Variants in CNTN5 observed in about 807,000 individuals in gnomAD.
The protein encoded by CNTN5 is contactin 5.
CNTN5 carries 77 observed loss-of-function variants against 129.1 expected under a neutral mutation model. The observed-to-expected ratio is 0.60, with a 90% CI of 0.50 to 0.72. The LOEUF is 0.72. Among genes scored for constraint, CNTN5 ranks in the 30% least tolerant of loss-of-function variants. CNTN5 has a pLI of 0.00. For synonymous variants in CNTN5, 509 were observed against 465.6 expected, an observed-to-expected ratio of 1.09 and a Z score of -1.20; for missense variants, 1,478 against 1,328.8, an observed-to-expected ratio of 1.11 and a Z score of -1.75.
At chr11:99,264,135 T>G (rs1046589431) in intron 1 of CNTN5, among the ~76,000 whole-genome samples, 1 of 151,890 alleles carries the variant, frequency 6.6e-6, no homozygotes, top group South Asian at 2.1e-4. Context: ...GCATAACTCA[T>G]GCTCACAGGA....
At chr11:99,138,708 C>T (rs1474921886) in intron 1 of CNTN5, among the ~76,000 whole-genome samples, 1 of 152,030 alleles carries the variant, frequency 6.6e-6, no homozygotes, top group Non-Finnish European at 1.5e-5. Flanking sequence ...ATAACGAATT[C>T]CCAAAACCCA....
intron 1 of CNTN5, among the ~76,000 whole-genome samples, chr11:99,096,588 G>A (rs1866476390): frequency 6.6e-6 from 1 of 151,786 alleles, no homozygotes; most frequent in Non-Finnish European, 1.5e-5. Flanking sequence ...AAAACAAGTG[G>A]TAAAATATGT....
At chr11:100,049,072 TTATTTAGATTGCAGGA>T (rs1261352844) in intron 9 of CNTN5, among the ~76,000 whole-genome samples, 1 of 152,050 alleles carries the variant, frequency 6.6e-6, no homozygotes, top group Non-Finnish European at 1.5e-5. Flanking sequence ...TTAAGGAAAA[TTATTTAGATTGCAGGA>T]AATGTAATAC....
chr11:99,327,025 A>T (rs562976015), intron 2 of CNTN5, among the ~76,000 whole-genome samples: 17 of 152,310 alleles, frequency 1.1e-4, no homozygotes, highest in African/African-American at 4.1e-4. Context: ...TTCTTAACTC[A>T]TAATCATGGA....
At chr11:100,272,486 C>A (rs747004819) in intron 18 of CNTN5, among the ~76,000 whole-genome samples, 5 of 151,114 alleles carry the variant, frequency 3.3e-5, no homozygotes, top group Non-Finnish European at 7.4e-5. Flanking sequence ...ATGGCCCTCT[C>A]AGAAGGAAGG....
intron 3 of CNTN5, among the ~76,000 whole-genome samples, chr11:99,771,880 A>G (rs938584846): frequency 5.9e-5 from 9 of 152,014 alleles, no homozygotes; most frequent in African/African-American, 2.2e-4. Context: ...ATTCCTAAAG[A>G]AAGGGAAATG....
intron 7 of CNTN5, among the ~76,000 whole-genome samples, chr11:99,927,825 C>T (rs910131836): frequency 2.0e-5 from 3 of 152,266 alleles, no homozygotes; most frequent in Admixed American, 1.3e-4. Flanking sequence ...TTTCAAAACA[C>T]AGTCATGCCC....
chr11:100,138,148 T>G (rs866330280), intron 13 of CNTN5, among the ~76,000 whole-genome samples: 1 of 151,158 alleles, frequency 6.6e-6, no homozygotes, highest in African/African-American at 2.4e-5. Context: ...ATAAGGGAGA[T>G]GAGAAAATGA....
intron 4 of CNTN5, among the ~76,000 whole-genome samples, chr11:99,826,001 CT>C (rs1238336925): frequency 6.6e-6 from 1 of 152,034 alleles, no homozygotes; most frequent in African/African-American, 2.4e-5. Context: ...CATTTCTACA[CT>C]TTTTTGTGTT....
intron 16 of CNTN5, 72 bp downstream of exon 16, chr11:100,224,884 G>C: frequency 6.7e-7 from 1 of 1,501,174 alleles, no homozygotes; most frequent in Non-Finnish European, 9.2e-7. Flanking sequence ...TTAAATGCAT[G>C]GACTTTGAGC....
At chr11:99,022,149 G>C (rs1259005188) in intron 1 of CNTN5, among the ~76,000 whole-genome samples, 1 of 151,964 alleles carries the variant, frequency 6.6e-6, no homozygotes, top group Non-Finnish European at 1.5e-5. Context: ...TCATTCATTT[G>C]TTTCTTAATT....
intron 3 of CNTN5, among the ~76,000 whole-genome samples, chr11:99,761,103 A>T (rs1454244315): frequency 6.6e-6 from 1 of 152,108 alleles, no homozygotes; most frequent in African/African-American, 2.4e-5. Flanking sequence ...TATGACAAGG[A>T]TGATATATGT....
chr11:99,494,175 T>G (rs1467758671), intron 2 of CNTN5, among the ~76,000 whole-genome samples: 1 of 152,186 alleles, frequency 6.6e-6, no homozygotes, highest in Non-Finnish European at 1.5e-5. Context: ...CACTCCGTAG[T>G]AATCGACCAA....
intron 13 of CNTN5, among the ~76,000 whole-genome samples, chr11:100,172,687 C>T (rs12802379): frequency 0.13 from 19,380 of 151,842 alleles, 1,206 homozygotes; most frequent in African/African-American, 0.14. Flanking sequence ...AAGATCATGA[C>T]AAAACAGACT....
intron 3 of CNTN5, among the ~76,000 whole-genome samples, chr11:99,786,354 G>T (rs937752820): frequency 6.6e-6 from 1 of 151,696 alleles, no homozygotes; most frequent in African/African-American, 2.4e-5. Context: ...GGAAATTGGA[G>T]GACACAAACA....
intron 2 of CNTN5, among the ~76,000 whole-genome samples, chr11:99,452,455 C>T (rs577588257): frequency 7.2e-6 from 1 of 138,928 alleles, no homozygotes; most frequent in South Asian, 2.5e-4. Flanking sequence ...TCATAGCAAA[C>T]TCTGCCTCCC....
At chr11:99,282,649 C>G (rs1211618552) in intron 1 of CNTN5, among the ~76,000 whole-genome samples, 1 of 152,016 alleles carries the variant, frequency 6.6e-6, no homozygotes, top group Non-Finnish European at 1.5e-5. Context: ...TCGAATAAAT[C>G]TGGGGCGGTC....
chr11:100,067,631 T>C (rs994613661), intron 10 of CNTN5, among the ~76,000 whole-genome samples: 1 of 152,106 alleles, frequency 6.6e-6, no homozygotes, highest in Non-Finnish European at 1.5e-5. Context: ...TATCTGCCAA[T>C]AATTGACATA....
intron 3 of CNTN5, among the ~76,000 whole-genome samples, chr11:99,632,657 T>C (rs1951403909): frequency 6.6e-6 from 1 of 152,196 alleles, no homozygotes; most frequent in Admixed American, 6.5e-5. Flanking sequence ...TTCCCACATA[T>C]ATTTAACAGT....
Sources: gnomAD v4.1 joint callset for allele counts (sites outside exome capture counted in the v4.1 genomes callset) on GRCh38, gnomAD v4.1.1 for gene constraint, MANE v1.5 for transcripts, NCBI Gene and HGNC (gene_info 2026-07-23, HGNC 2026-07-21) for gene names.